The following PDE4D variants were observed in gnomAD, a reference collection of about 807,000 sequenced individuals.
The protein encoded by PDE4D is 3',5'-cyclic-AMP phosphodiesterase 4D.
PDE4D carries 24 observed loss-of-function variants against 87.4 expected under a neutral mutation model. The ratio of observed to expected loss-of-function variants is 0.27; its 90% confidence interval spans 0.20 to 0.39. The LOEUF (loss-of-function observed/expected upper bound fraction) is 0.39. PDE4D is among the 10% of genes least tolerant of loss of function. PDE4D has a pLI of 1.00. For missense variants in PDE4D, 714 were observed against 1,041.0 expected (o/e 0.69, Z 4.32); for synonymous variants, 384 against 383.2 (o/e 1.00, Z -0.02).
At chr5:59,971,011 G>A (rs1174301187) in intron 3 of PDE4D, among the ~76,000 whole-genome samples, 2 of 151,918 alleles carry the variant, frequency 1.3e-5, no homozygotes, top group African/African-American at 4.8e-5. Flanking sequence ...TATACACCAT[G>A]GAATACTATG....
intron 1 of PDE4D, among the ~76,000 whole-genome samples, chr5:59,870,753 T>G (rs1747707755): frequency 6.6e-6 from 1 of 152,162 alleles, no homozygotes; most frequent in Non-Finnish European, 1.5e-5. Context: ...ACAGGGAGAT[T>G]GTACTGAAAT....
chr5:59,893,825 G>T, upstream of PDE4D: 1 of 1,324,188 alleles, frequency 7.6e-7, no homozygotes, highest in Non-Finnish European at 9.6e-7. Context: ...CACAGAACGC[G>T]GCAGGGCTCC....
At chr5:60,205,610 G>T (rs1430112144) in intron 1 of PDE4D, among the ~76,000 whole-genome samples, 2 of 152,076 alleles carry the variant, frequency 1.3e-5, no homozygotes, top group African/African-American at 4.8e-5. Context: ...ATAGGGTGGG[G>T]CATGGTGGCT....
Position 59,668,622 on chromosome 5 carries a change from C to A in PDE4D, c.455+224546G>T, listed in dbSNP as rs914288483. On this transcript the variant is annotated intron_variant, in intron 1 of 14. Coordinates refer to ENST00000340635, the MANE Select transcript of PDE4D (RefSeq NM_001104631.2). Reference sequence around the variant, plus strand: ...TACTCAGAGGCTGAGGCAGGAGGATCACTTCGGTCCAGGAGTTTGGGGCTG... The same window carrying A: ...TACTCAGAGGCTGAGGCAGGAGGATAACTTCGGTCCAGGAGTTTGGGGCTG... Among the ~76,000 whole-genome samples the A allele has an allele frequency of 7.2e-5, 11 of 151,748 alleles. 1 individual carries two copies. Among genetic ancestry groups the A allele is most frequent in the Admixed American group, 7.2e-4 (11 of 15,192 alleles).
chr5:59,831,346 A>C (rs950772205), intron 1 of PDE4D, among the ~76,000 whole-genome samples: 3 of 151,442 alleles, frequency 2.0e-5, no homozygotes, highest in Non-Finnish European at 4.4e-5. Flanking sequence ...AAAAAAAAAA[A>C]ACCGGGCAAA....
At chr5:60,082,116 T>C (rs569312375) in intron 2 of PDE4D, among the ~76,000 whole-genome samples, 97 of 152,266 alleles carry the variant, frequency 6.4e-4, no homozygotes, top group African/African-American at 2.3e-3. Flanking sequence ...TTCCTCACCC[T>C]CTATGTTAGG....
At chr5:59,769,334 T>G (rs1763210718) in intron 1 of PDE4D, among the ~76,000 whole-genome samples, 1 of 152,170 alleles carries the variant, frequency 6.6e-6, no homozygotes. Context: ...ACAACACTAT[T>G]TAGACTCACA....
chr5:59,583,902 G>A (rs1376738239), intron 1 of PDE4D, among the ~76,000 whole-genome samples: 1 of 152,158 alleles, frequency 6.6e-6, no homozygotes, highest in Non-Finnish European at 1.5e-5. Flanking sequence ...CTCTCCAAAG[G>A]GTACAGAGCC....
chr5:59,590,910 G>T (rs1561279816), intron 1 of PDE4D, among the ~76,000 whole-genome samples: 1 of 152,148 alleles, frequency 6.6e-6, no homozygotes, highest in Non-Finnish European at 1.5e-5. Flanking sequence ...ACTAGCCGGT[G>T]TCCCACGTCC....
At chr5:59,273,317 T>G (rs1764199488) in intron 1 of PDE4D, among the ~76,000 whole-genome samples, 1 of 151,998 alleles carries the variant, frequency 6.6e-6, no homozygotes, top group Non-Finnish European at 1.5e-5. Context: ...TTTTTAATGC[T>G]CAAGTAAACA....
chr5:59,900,255 T>A (rs537685353), intron 3 of PDE4D, among the ~76,000 whole-genome samples: 7,167 of 129,106 alleles, frequency 0.056, 205 homozygotes, highest in Middle Eastern at 0.1. Flanking sequence ...AAAATATATA[T>A]ATATATATAC....
intron 1 of PDE4D, among the ~76,000 whole-genome samples, chr5:59,332,081 A>G (rs1436032891): frequency 2.0e-5 from 3 of 152,220 alleles, no homozygotes; most frequent in Non-Finnish European, 2.9e-5. Flanking sequence ...CTGATAAATC[A>G]TTCACTGAGT....
At chr5:59,634,198 T>C (rs1831952095) in intron 1 of PDE4D, among the ~76,000 whole-genome samples, 2 of 152,214 alleles carry the variant, frequency 1.3e-5, no homozygotes, top group Admixed American at 6.5e-5. Context: ...ACCTGAAATA[T>C]ATATGCACCC....
At chr5:59,744,184 C>T (rs1346882759) in intron 1 of PDE4D, among the ~76,000 whole-genome samples, 1 of 152,080 alleles carries the variant, frequency 6.6e-6, no homozygotes, top group Non-Finnish European at 1.5e-5. Flanking sequence ...CATCTTAGTT[C>T]TGATGCATTA....
At position 59,801,420 on chromosome 5, in the gene PDE4D, C is replaced by T. The variant is rs1273484835; in HGVS notation, c.455+91748G>A. Among the ~76,000 whole-genome samples, 3 of 152,120 alleles carry T rather than the reference C, an allele frequency of 2.0e-5. No individual in the cohort carries two copies. The East Asian group carries it at 5.8e-4, about 29-fold the overall frequency. On this transcript the variant is annotated intron_variant, in intron 1 of 14. Transcript: ENST00000340635. Reference sequence around the variant, plus strand: ...TCATTATTTGAGAAAGAGCTATTTCCTAGGTATATTTTAGGAACTTATCTG... The same window carrying T: ...TCATTATTTGAGAAAGAGCTATTTCTTAGGTATATTTTAGGAACTTATCTG...
At chr5:59,482,929 G>A (rs1374315889) in intron 1 of PDE4D, among the ~76,000 whole-genome samples, 1 of 152,136 alleles carries the variant, frequency 6.6e-6, no homozygotes, top group Non-Finnish European at 1.5e-5. Context: ...ATGTGTGTGA[G>A]GGTGTTTTTG....
intron 1 of PDE4D, among the ~76,000 whole-genome samples, chr5:59,471,499 A>G (rs1802438220): frequency 6.6e-6 from 1 of 152,254 alleles, no homozygotes; most frequent in Non-Finnish European, 1.5e-5. Context: ...CTTAGAGCAT[A>G]AAATGGGGTA....
chr5:59,230,902 G>A (rs2153516705), intron 1 of PDE4D, among the ~76,000 whole-genome samples: 1 of 152,140 alleles, frequency 6.6e-6, no homozygotes, highest in South Asian at 2.1e-4. Context: ...CAATCTTACT[G>A]GGCAAAGCAA....
At chr5:59,489,267 AAAAAAAAAC>A (rs1249399061) in intron 1 of PDE4D, among the ~76,000 whole-genome samples, 2 of 144,948 alleles carry the variant, frequency 1.4e-5, no homozygotes, top group East Asian at 2.0e-4. Context: ...CCATCTCAAA[AAAAAAAAAC>A]AAAAAAAACA....
Sources: allele counts gnomAD v4.1 joint callset (sites outside exome capture counted in the v4.1 genomes callset), GRCh38; gene constraint gnomAD v4.1.1; transcripts MANE v1.5; gene names NCBI Gene and HGNC (gene_info 2026-07-23, HGNC 2026-07-21).